ADAMTS3: variants seen among roughly 807,000 people sequenced by gnomAD.
ADAMTS3 encodes A disintegrin and metalloproteinase with thrombospondin motifs 3.
A neutral mutation model predicts 129.0 loss-of-function variants in ADAMTS3; 73 were observed. The observed-to-expected ratio is 0.57, with a 90% CI of 0.47 to 0.69. ADAMTS3 has a LOEUF of 0.69. ADAMTS3 is among the 30% of genes least tolerant of loss of function. The pLI is 0.00. For synonymous variants in ADAMTS3, 477 were observed against 510.8 expected, an observed-to-expected ratio of 0.93 and a Z score of 0.89; for missense variants, 1,457 against 1,514.5, an observed-to-expected ratio of 0.96 and a Z score of 0.63.
At chr4:72,463,536 A>G (rs1435632194) in intron 3 of ADAMTS3, among the ~76,000 whole-genome samples, 3 of 151,964 alleles carry the variant, frequency 2.0e-5, no homozygotes, top group Non-Finnish European at 4.4e-5. Flanking sequence ...CTAATGAAGC[A>G]TCTTTCCACA....
chr4:72,408,251 C>A (rs1722099430), intron 4 of ADAMTS3, among the ~76,000 whole-genome samples: 1 of 151,996 alleles, frequency 6.6e-6, no homozygotes, highest in African/African-American at 2.4e-5. Flanking sequence ...ACACCATCAA[C>A]CTTTACCCCA....
chr4:72,494,118 C>G (rs1719816181), intron 3 of ADAMTS3, among the ~76,000 whole-genome samples: 1 of 152,148 alleles, frequency 6.6e-6, no homozygotes, highest in African/African-American at 2.4e-5. Flanking sequence ...CAATTTCCCG[C>G]TCAAGATTTG....
chr4:72,355,621 C>T lies in ADAMTS3; in HGVS notation c.662-15928G>A, dbSNP rs544675949. Among the ~76,000 whole-genome samples the T allele has an allele frequency of 1.3e-3, 196 of 152,112 alleles. 1 individual carries two copies. Among genetic ancestry groups the T allele is most frequent in the African/African-American group, 4.2e-3 (173 of 41,540 alleles). On this transcript the variant is annotated intron_variant, in intron 4 of 21. Coordinates refer to ENST00000286657, the MANE Select transcript of ADAMTS3 (RefSeq NM_014243.3). The stretch of plus-strand genomic sequence containing the variant: ...TGTGACATCATAGTATTCATCCCCT[C>T]GTGGGTTTCCCCCATCCATCATGTG...
intron 4 of ADAMTS3, among the ~76,000 whole-genome samples, chr4:72,409,369 C>A (rs1722130806): frequency 6.6e-6 from 1 of 152,132 alleles, no homozygotes; most frequent in Non-Finnish European, 1.5e-5. Flanking sequence ...GAATCAAGAT[C>A]TGGCCCAAAT....
Position 72,400,337 on chromosome 4 carries a change from C to T in ADAMTS3, c.661+14478G>A, listed in dbSNP as rs552800988. On this transcript the variant is annotated intron_variant, in intron 4 of 21. Transcript: ENST00000286657. ...CACATGGTGTGTGTATATATACACA[C>T]GGTGTGTATATATACGTGTGCATAG... Among the ~76,000 whole-genome samples the T allele has an allele frequency of 4.6e-3, 632 of 138,758 alleles. 67 individuals are homozygous for T. The highest frequency in any genetic ancestry group is 0.018 in the African/African-American group (601 of 33,468). The allele number at this position is 138,758 out of a possible 152,430, so 91.0% of individuals were successfully genotyped here.
chr4:72,283,013 CAATTACAGATAA>C lies in ADAMTS3; in HGVS notation c.*111_*122del, dbSNP rs1342762016. The C allele has an allele frequency of 3.9e-5, 32 of 826,260 alleles. No individual in the cohort carries two copies. Among genetic ancestry groups the C allele is most frequent in the Non-Finnish European group, 6.0e-5 (32 of 533,364 alleles). The allele number at this position is 826,260 out of a possible 1,614,324, so 51.2% of individuals were successfully genotyped here. ...AGTGAGCCAGCACTTTCTGTTCTTC[CAATTACAGATAA>C]AATGAGCTGACGATCTATAGAGATT... is the stretch of plus-strand genomic sequence containing the variant. On this transcript the variant is annotated 3_prime_UTR_variant, in exon 22 of 22. Transcript: ENST00000286657.
At chr4:72,405,975 C>A (rs1316279172) in intron 4 of ADAMTS3, among the ~76,000 whole-genome samples, 3 of 152,052 alleles carry the variant, frequency 2.0e-5, no homozygotes, top group Non-Finnish European at 4.4e-5. Flanking sequence ...ACTTTATGGG[C>A]GGCTAGGACA....
chr4:72,436,874 G>A (rs1242336025), intron 3 of ADAMTS3, among the ~76,000 whole-genome samples: 3 of 151,760 alleles, frequency 2.0e-5, no homozygotes, highest in African/African-American at 7.3e-5. Context: ...GGGGAGTGGG[G>A]AGGGATAACA....
intron 4 of ADAMTS3, among the ~76,000 whole-genome samples, chr4:72,407,437 T>C (rs950050871): frequency 6.6e-6 from 1 of 152,136 alleles, no homozygotes; most frequent in East Asian, 1.9e-4. Context: ...CTTTTATCCC[T>C]GTAGCACATG....
intron 3 of ADAMTS3, among the ~76,000 whole-genome samples, chr4:72,512,726 C>T (rs1720349145): frequency 6.6e-6 from 1 of 152,086 alleles, no homozygotes; most frequent in South Asian, 2.1e-4. Context: ...TAAATATATA[C>T]ACCTACTATG....
chr4:72,387,625 C>T (rs1361302371), intron 4 of ADAMTS3, among the ~76,000 whole-genome samples: 1 of 152,080 alleles, frequency 6.6e-6, no homozygotes, highest in Non-Finnish European at 1.5e-5. Flanking sequence ...TTATCTCACT[C>T]TAGATATGGG....
chr4:72,518,720 C>G (rs897119901), intron 3 of ADAMTS3, among the ~76,000 whole-genome samples: 1 of 151,644 alleles, frequency 6.6e-6, no homozygotes, highest in African/African-American at 2.4e-5. Flanking sequence ...TTATTTTGAG[C>G]CTATGTGTGT....
chr4:72,432,805 T>C (rs889549710), intron 3 of ADAMTS3, among the ~76,000 whole-genome samples: 38 of 152,062 alleles, frequency 2.5e-4, no homozygotes, highest in African/African-American at 9.1e-4. Flanking sequence ...TCAGTACATA[T>C]ACATCACAGC....
intron 3 of ADAMTS3, among the ~76,000 whole-genome samples, chr4:72,472,700 G>A (rs934509688): frequency 6.6e-6 from 1 of 152,092 alleles, no homozygotes; most frequent in Non-Finnish European, 1.5e-5. Context: ...AATCAGAGTT[G>A]TGCTAATAAG....
At chr4:72,293,782 G>A (rs572671520) in intron 19 of ADAMTS3, among the ~76,000 whole-genome samples, 1 of 152,164 alleles carries the variant, frequency 6.6e-6, no homozygotes, top group East Asian at 1.9e-4. Flanking sequence ...AGTGGGTGTG[G>A]AGAAGTGGAA....
chr4:72,559,929 C>T (rs1217991277), intron 2 of ADAMTS3, among the ~76,000 whole-genome samples: 1 of 151,702 alleles, frequency 6.6e-6, no homozygotes, highest in Non-Finnish European at 1.5e-5. Flanking sequence ...CATCAAACTA[C>T]CTGACTTCAA....
At chr4:72,301,468 T>G (rs1160525134) in intron 17 of ADAMTS3, among the ~76,000 whole-genome samples, 2 of 152,084 alleles carry the variant, frequency 1.3e-5, no homozygotes, top group African/African-American at 4.8e-5. Flanking sequence ...GCAAAAGATT[T>G]GAACAGATAT....
intron 4 of ADAMTS3, among the ~76,000 whole-genome samples, chr4:72,401,584 A>AAAAAG (rs1560502450): frequency 1.4e-5 from 2 of 141,828 alleles, no homozygotes; most frequent in African/African-American, 5.0e-5. Flanking sequence ...AAAAAAAAAA[A>AAAAAG]AAAAGAAAAG....
intron 3 of ADAMTS3, among the ~76,000 whole-genome samples, chr4:72,503,851 A>G (rs1720087210): frequency 1.3e-5 from 2 of 152,146 alleles, no homozygotes; most frequent in South Asian, 2.1e-4. Context: ...ATTATGTAAT[A>G]TCCTTCTTTG....
Sources: allele counts gnomAD v4.1 joint callset (sites outside exome capture counted in the v4.1 genomes callset), GRCh38; gene constraint gnomAD v4.1.1; transcripts MANE v1.5; gene names NCBI Gene and HGNC (gene_info 2026-07-23, HGNC 2026-07-21).